SNTG1: variants seen among roughly 807,000 people sequenced by gnomAD.
SNTG1 encodes the protein syntrophin gamma 1, also known as gamma-1-syntrophin.
In SNTG1, 39 loss-of-function variants were observed where a neutral mutation model predicts 74.7. That is an observed-to-expected ratio of 0.52 (90% CI 0.40 to 0.68). The LOEUF is 0.68. SNTG1 is among the 30% of genes least tolerant of loss of function. The pLI is 0.00. For synonymous variants in SNTG1, 254 were observed against 217.1 expected, an observed-to-expected ratio of 1.17 and a Z score of -1.49; for missense variants, 685 against 609.5, an observed-to-expected ratio of 1.12 and a Z score of -1.30.
intron 15 of SNTG1, among the ~76,000 whole-genome samples, chr8:50,681,649 G>C (rs1340111875): frequency 1.3e-5 from 2 of 152,158 alleles, no homozygotes; most frequent in Admixed American, 6.5e-5. Context: ...AACAACGAGA[G>C]AGGAGGACCG....
intron 1 of SNTG1, among the ~76,000 whole-genome samples, chr8:50,135,192 T>C (rs2131425896): frequency 6.6e-6 from 1 of 152,270 alleles, no homozygotes; most frequent in East Asian, 1.9e-4. Flanking sequence ...TTCACGGCTA[T>C]TCATCCCCTT....
intron 2 of SNTG1, among the ~76,000 whole-genome samples, chr8:50,387,990 T>C (rs1296965383): frequency 1.3e-5 from 2 of 152,152 alleles, no homozygotes; most frequent in East Asian, 1.9e-4. Flanking sequence ...GGTCCTGTTT[T>C]TCCCAATCAA....
intron 8 of SNTG1, among the ~76,000 whole-genome samples, chr8:50,471,160 C>T (rs1305874935): frequency 6.6e-6 from 1 of 152,122 alleles, no homozygotes; most frequent in Non-Finnish European, 1.5e-5. Context: ...CCGGCTTAAC[C>T]TCTCAACATC....
intron 1 of SNTG1, among the ~76,000 whole-genome samples, chr8:50,165,728 G>T (rs536120815): frequency 3.3e-5 from 5 of 152,186 alleles, no homozygotes; most frequent in Admixed American, 3.3e-4. Flanking sequence ...AAACCTTAGT[G>T]GTTCCTAAAA....
At chr8:50,704,516 C>T (rs878907879) in intron 15 of SNTG1, 84 bp from the exon 16 acceptor site, 17 of 1,562,444 alleles carry the variant, frequency 1.1e-5, no homozygotes, top group Middle Eastern at 2.1e-4. Flanking sequence ...CCTGTGGCTT[C>T]TGCACCTTGG....
chr8:50,256,017 C>A (rs1385850464), intron 2 of SNTG1, among the ~76,000 whole-genome samples: 1 of 152,176 alleles, frequency 6.6e-6, no homozygotes, highest in African/African-American at 2.4e-5. Flanking sequence ...CCCTTATCCT[C>A]AAATACTTGT....
chr8:50,251,367 T>C (rs1378276066), intron 2 of SNTG1, among the ~76,000 whole-genome samples: 1 of 151,510 alleles, frequency 6.6e-6, no homozygotes, highest in African/African-American at 2.4e-5. Context: ...CTTGCAGGAG[T>C]AATTATTTGC....
intron 8 of SNTG1, among the ~76,000 whole-genome samples, chr8:50,473,009 T>C (rs1270931505): frequency 6.6e-6 from 1 of 152,142 alleles, no homozygotes; most frequent in East Asian, 1.9e-4. Context: ...AATGCCACTA[T>C]TAAAAACAAA....
At chr8:50,461,686 C>G (rs2093564091) in intron 8 of SNTG1, among the ~76,000 whole-genome samples, 2 of 151,880 alleles carry the variant, frequency 1.3e-5, no homozygotes, top group South Asian at 4.2e-4. Context: ...CTTTTAAATA[C>G]TCTAATATAG....
chr8:50,397,449 G>A (rs137980320), intron 3 of SNTG1, among the ~76,000 whole-genome samples: 1 of 152,190 alleles, frequency 6.6e-6, no homozygotes, highest in African/African-American at 2.4e-5. Context: ...CCCATGATTC[G>A]GTCTCTCATT....
At position 50,125,581 on chromosome 8, in the gene SNTG1, T is replaced by C. The variant is rs912585565; in HGVS notation, c.-102-46980T>C. ...CACATAAAATGTAATTTTTATATAC[T>C]AAGGCAACCATTGTAATAAATACTC... On this transcript the variant is annotated intron_variant, in intron 1 of 18. Transcript: ENST00000642720. Among the ~76,000 whole-genome samples, 56 of 142,088 alleles carry C rather than the reference T, an allele frequency of 3.9e-4. 8 individuals are homozygous for C. Among genetic ancestry groups the C allele is most frequent in the African/African-American group, 1.4e-3 (56 of 39,262 alleles). 93.2% of individuals were successfully genotyped at this position (142,088 alleles called of 152,430 possible). A position where few individuals can be genotyped will look rare whatever the true frequency, so the allele number is the denominator to read the frequency against.
chr8:50,567,129 A>T (rs936354973), intron 12 of SNTG1, among the ~76,000 whole-genome samples: 2 of 152,058 alleles, frequency 1.3e-5, no homozygotes, highest in African/African-American at 4.8e-5. Context: ...AACTGGACAA[A>T]ATTAGTTGAA....
intron 17 of SNTG1, among the ~76,000 whole-genome samples, chr8:50,734,977 A>C (rs1585669204): frequency 2.1e-5 from 3 of 139,678 alleles, no homozygotes; most frequent in African/African-American, 8.1e-5. Context: ...ATATATATCT[A>C]TCCATATATA....
intron 17 of SNTG1, among the ~76,000 whole-genome samples, chr8:50,738,960 CT>C (rs1300600063): frequency 6.6e-6 from 1 of 152,008 alleles, no homozygotes; most frequent in Non-Finnish European, 1.5e-5. Flanking sequence ...CATAAAAACC[CT>C]AGAAGAAAAC....
At chr8:50,209,785 A>G (rs1410885144) in intron 2 of SNTG1, among the ~76,000 whole-genome samples, 2 of 152,222 alleles carry the variant, frequency 1.3e-5, no homozygotes, top group African/African-American at 4.8e-5. Context: ...CAGAGCAGAG[A>G]AGCTGAAATT....
intron 13 of SNTG1, among the ~76,000 whole-genome samples, chr8:50,618,059 A>G (rs984457687): frequency 2.6e-5 from 4 of 152,226 alleles, no homozygotes; most frequent in African/African-American, 9.6e-5. Context: ...AATTTAATTT[A>G]TAAAAATGAA....
At chr8:50,606,911 T>C (rs1469166091) in intron 13 of SNTG1, among the ~76,000 whole-genome samples, 1 of 151,906 alleles carries the variant, frequency 6.6e-6, no homozygotes, top group East Asian at 1.9e-4. Flanking sequence ...AGTTTGAATT[T>C]TGCGAATATA....
chr8:50,573,492 G>GA (rs987837519), intron 12 of SNTG1, among the ~76,000 whole-genome samples: 1 of 151,700 alleles, frequency 6.6e-6, no homozygotes, highest in Non-Finnish European at 1.5e-5. Context: ...GAGTTTCTAA[G>GA]AAAAAAATGT....
At chr8:50,231,063 C>A (rs2085597381) in intron 2 of SNTG1, among the ~76,000 whole-genome samples, 1 of 151,042 alleles carries the variant, frequency 6.6e-6, no homozygotes, top group Non-Finnish European at 1.5e-5. Context: ...AACAAATAAT[C>A]TGATTAAGAA....
Sources: allele counts gnomAD v4.1 joint callset (sites outside exome capture counted in the v4.1 genomes callset), GRCh38; gene constraint gnomAD v4.1.1; transcripts MANE v1.5; gene names NCBI Gene and HGNC (gene_info 2026-07-23, HGNC 2026-07-21).